Variants in CACNA2D4 observed in about 807,000 individuals in gnomAD.
CACNA2D4 encodes the protein calcium voltage-gated channel auxiliary subunit alpha2delta 4, also known as voltage-dependent calcium channel subunit alpha-2/delta-4.
Under a neutral mutation model 163.8 loss-of-function variants are expected in CACNA2D4, and 157 were observed. That is an observed-to-expected ratio of 0.96 (90% confidence interval 0.84 to 1.09). CACNA2D4 has a LOEUF of 1.09. Ranked by LOEUF, CACNA2D4 falls within the 50% of genes least tolerant of loss-of-function variation. CACNA2D4 has a pLI of 0.00. For synonymous variants in CACNA2D4, 598 were observed against 586.9 expected (o/e 1.02, Z -0.27); for missense variants, 1,410 against 1,479.9 (o/e 0.95, Z 0.78).
intron 22 of CACNA2D4, among the ~76,000 whole-genome samples, chr12:1,855,595 A>G (rs1195039091): frequency 6.6e-6 from 1 of 152,230 alleles, no homozygotes; most frequent in Non-Finnish European, 1.5e-5. Context: ...GCTTCGAGTC[A>G]TCTGGCCAAA....
At position 1,907,493 on chromosome 12, in the gene CACNA2D4, G is replaced by C; in HGVS notation, c.728C>G (p.Thr243Arg). ...VFVENFQRDP[T>R]LTWQYFGSAT... ...ACTGCCAAAATATTGCCAGGTCAACGTTGGGTCTCTCTGGAAGTTCTCCAC... is the reference window on the plus strand; with the variant it reads ...ACTGCCAAAATATTGCCAGGTCAACCTTGGGTCTCTCTGGAAGTTCTCCAC... Residue 243 changes from threonine (T) to arginine (R), a missense_variant, in exon 6 of 38, where the codon ACG becomes AGG. Transcript: ENST00000382722. The C allele has an allele frequency of 6.2e-7, 1 of 1,613,836 alleles. No homozygotes were observed. The highest frequency in any genetic ancestry group is 1.1e-5 in the South Asian group (1 of 91,050).
chr12:1,795,224 G>T, intron 37 of CACNA2D4, 75 bp downstream of exon 37: 1 of 1,365,746 alleles, frequency 7.3e-7, no homozygotes, highest in Non-Finnish European at 1.0e-6. Context: ...GCTCCTGTCT[G>T]CAGGGGCACA....
At chr12:1,906,362 A>G (rs111599697) in intron 6 of CACNA2D4, among the ~76,000 whole-genome samples, 138 of 152,376 alleles carry the variant, frequency 9.1e-4, no homozygotes, top group African/African-American at 3.2e-3. Flanking sequence ...AAAAGACAAT[A>G]TGAACAGAGT....
chr12:1,815,096 T>C (rs955425355), intron 26 of CACNA2D4, among the ~76,000 whole-genome samples: 11 of 152,230 alleles, frequency 7.2e-5, no homozygotes, highest in Non-Finnish European at 2.9e-5. Context: ...TTCGCCATGC[T>C]GGCCAGGCTG....
chr12:1,797,091 C>T (rs558257745), intron 35 of CACNA2D4, among the ~76,000 whole-genome samples: 1 of 152,378 alleles, frequency 6.6e-6, no homozygotes, highest in South Asian at 2.1e-4. Flanking sequence ...GAAGGGCCCA[C>T]TCGCCCAGAG....
At chr12:1,902,994 A>G (rs1866571442) in intron 6 of CACNA2D4, among the ~76,000 whole-genome samples, 1 of 152,168 alleles carries the variant, frequency 6.6e-6, no homozygotes, top group Non-Finnish European at 1.5e-5. Context: ...CCAAAACAGC[A>G]TGGCACTGGC....
intron 11 of CACNA2D4, 111 bp from the exon 12 acceptor site, chr12:1,884,432 G>A: frequency 1.1e-6 from 1 of 876,152 alleles, no homozygotes; most frequent in Non-Finnish European, 1.8e-6. Flanking sequence ...CAGTCTTCGG[G>A]TTCTCCAATT....
intron 6 of CACNA2D4, among the ~76,000 whole-genome samples, chr12:1,902,115 A>G (rs1011017163): frequency 1.3e-5 from 2 of 152,148 alleles, no homozygotes; most frequent in African/African-American, 4.8e-5. Context: ...AAAAAACTGT[A>G]TGATCATTTC....
chr12:1,915,037 C>G (rs1866931357), intron 1 of CACNA2D4, 102 bp from the exon 2 acceptor site: 1 of 851,980 alleles, frequency 1.2e-6, no homozygotes, highest in Admixed American at 1.8e-5. Context: ...AAGCCAGTGT[C>G]TACACACAGA....
rs1466178700 is a variant in CACNA2D4, at chr12:1,883,505, T to C, written c.1352-505A>G. 6.6e-6 allele frequency among the ~76,000 whole-genome samples: 1 copy of C among 152,062 alleles called. No individual in the cohort carries two copies. Among genetic ancestry groups the C allele is most frequent in the Non-Finnish European group, 1.5e-5 (1 of 68,002 alleles). ...CTATTCCCTGGAACCATGGTGACAC[T>C]CCAAAGCGCAGATGGCGCAGAAGGC... On this transcript the variant is annotated intron_variant, in intron 12 of 37. Transcript: ENST00000382722. The surrounding 1 kb of genome is among the most constrained non-coding windows in gnomAD (Gnocchi z 4.5).
rs146537358 is a variant in CACNA2D4 at position 1,834,566 on chromosome 12, G to A, written c.2551+6173C>T. ...GATCATTGCAGGGGTCGTGTGCGGC[G>A]TCGTCTGCATCATGATGGTGGTGGC... On this transcript the variant is annotated intron_variant, in intron 26 of 37. Coordinates refer to ENST00000382722, the MANE Select transcript of CACNA2D4 (RefSeq NM_172364.5). This position sits in a 1 kb window ranked among gnomAD's most constrained non-coding sequence, Gnocchi z 7.6. 223 of 1,601,832 alleles carry A rather than the reference G, an allele frequency of 1.4e-4. No individual in the cohort carries two copies. Among genetic ancestry groups the A allele is most frequent in the Non-Finnish European group, 8.8e-5 (104 of 1,179,924 alleles).
At chr12:1,817,182 G>A (rs115944483) in intron 26 of CACNA2D4, among the ~76,000 whole-genome samples, 209 of 152,300 alleles carry the variant, frequency 1.4e-3, no homozygotes, top group African/African-American at 3.9e-3. Flanking sequence ...GTCACAGAAG[G>A]CCAGTGCCAG....
rs200706568 is a variant in CACNA2D4, at chr12:1,858,617, G to A, written c.1968C>T (p.His656=). 125 of 1,611,320 alleles carry A rather than the reference G, an allele frequency of 7.8e-5. 2 individuals are homozygous for A. The highest frequency in any genetic ancestry group is 1.3e-4 in the African/African-American group (10 of 74,964). Residue 656 remains histidine, a synonymous_variant, in exon 20 of 38, where the codon CAC becomes CAT. Transcript: ENST00000382722. ...FSLGVVLSRG[H]GEYILLGNTS... Reference sequence around the variant, plus strand: ...TGTTCCCCAGAAGGATGTATTCTCCGTGGCCCCGGGACAGCACCACCCCCA... The same window carrying A: ...TGTTCCCCAGAAGGATGTATTCTCCATGGCCCCGGGACAGCACCACCCCCA...
chr12:1,863,440 C>T (rs1263528485), intron 18 of CACNA2D4, among the ~76,000 whole-genome samples: 1 of 152,170 alleles, frequency 6.6e-6, no homozygotes, highest in Non-Finnish European at 1.5e-5. Flanking sequence ...AATTTTAGAA[C>T]CAGCTTGTCT....
intron 11 of CACNA2D4, 72 bp downstream of exon 11, chr12:1,884,696 G>A: frequency 1.0e-6 from 1 of 966,576 alleles, no homozygotes. Flanking sequence ...TCCTTCTAGG[G>A]TCCCTGCTGG....
At chr12:1,858,461 G>T in intron 20 of CACNA2D4, 116 bp downstream of exon 20, 1 of 862,306 alleles carries the variant, frequency 1.2e-6, no homozygotes, top group Non-Finnish European at 1.9e-6. Flanking sequence ...CTGCTCTGGA[G>T]CCTGGGAGCT....
chr12:1,870,659 CT>C (rs1293034680), intron 18 of CACNA2D4, among the ~76,000 whole-genome samples: 1 of 151,822 alleles, frequency 6.6e-6, no homozygotes, highest in Non-Finnish European at 1.5e-5. Context: ...TAATTGTTAT[CT>C]GCTGAAGGGT....
In CACNA2D4 at chr12:1,806,584, C is replaced by T. The variant is rs28508544; in HGVS notation, c.2721+3694G>A. On this transcript the variant is annotated intron_variant, in intron 29 of 37. Coordinates refer to ENST00000382722, the MANE Select transcript of CACNA2D4 (RefSeq NM_172364.5). The surrounding 1 kb of genome is among the most constrained non-coding windows in gnomAD (Gnocchi z 4.1). ...GTAAGCCCTAGCAGGGACAAGGAGT[C>T]GCTGGAAGCCTTTGACATATTTGCC... 0.01 allele frequency among the ~76,000 whole-genome samples: 1,568 copies of T among 152,330 alleles called. 35 individuals carry two copies. The highest frequency in any genetic ancestry group is 0.036 in the African/African-American group (1,502 of 41,568).
At chr12:1,830,979 A>G (rs1298272121) in intron 26 of CACNA2D4, 4 of 1,613,270 alleles carry the variant, frequency 2.5e-6, no homozygotes, top group South Asian at 1.1e-5. Context: ...GGCCCTCCCC[A>G]CCTGCCCTTT....
Sources: allele counts gnomAD v4.1 joint callset (sites outside exome capture counted in the v4.1 genomes callset), GRCh38; gene constraint gnomAD v4.1.1; non-coding constraint Gnocchi (gnomAD v3.1); transcripts MANE v1.5; gene names NCBI Gene and HGNC (gene_info 2026-07-23, HGNC 2026-07-21).